Variants in TCF20 observed in about 807,000 individuals in gnomAD.
TCF20 encodes the protein transcription factor 20.
TCF20 carries 3 observed loss-of-function variants against 148.6 expected under a neutral mutation model. The ratio of observed to expected loss-of-function variants is 0.02; its 90% CI spans 0.01 to 0.05. The LOEUF (loss-of-function observed/expected upper bound fraction) is 0.05, where lower values mean the gene tolerates loss of function less well. TCF20 is among the 10% of genes least tolerant of loss of function. The pLI is 1.00. For synonymous variants in TCF20, 1,049 were observed against 909.5 expected (o/e 1.15, Z -2.76); for missense variants, 2,350 against 2,429.3 (o/e 0.97, Z 0.69).
At chr22:42,272,539 G>A (rs2147007196), upstream of TCF20, among the ~76,000 whole-genome samples, 1 of 152,316 alleles carries the variant, frequency 6.6e-6, no homozygotes, top group South Asian at 2.1e-4. Flanking sequence ...ATTCAAAAGG[G>A]AAAGAATAAA....
chr22:42,165,035 T>C (rs1291143918), intron 5 of TCF20, among the ~76,000 whole-genome samples: 1 of 152,160 alleles, frequency 6.6e-6, no homozygotes, highest in Admixed American at 6.5e-5. Flanking sequence ...GAGGGAGGCC[T>C]AATGAAGATT....
chr22:42,301,182 G>A (rs1172582100), intron 1 of TCF20, among the ~76,000 whole-genome samples: 1 of 152,208 alleles, frequency 6.6e-6, no homozygotes, highest in Non-Finnish European at 1.5e-5. Context: ...TTTATCTTGC[G>A]GGCACTAGGG....
chr22:42,334,216 T>C (rs1928026374), intron 1 of TCF20, among the ~76,000 whole-genome samples: 1 of 152,194 alleles, frequency 6.6e-6, no homozygotes, highest in African/African-American at 2.4e-5. Flanking sequence ...TCAGCTGTCC[T>C]CACGGCCCTT....
At chr22:42,192,239 A>C (rs989378628) in intron 2 of TCF20, among the ~76,000 whole-genome samples, 2 of 152,220 alleles carry the variant, frequency 1.3e-5, no homozygotes, top group African/African-American at 4.8e-5. Context: ...GTTTCAGTGC[A>C]GAAACGACAA....
chr22:42,319,453 C>T (rs1036528253), intron 1 of TCF20, among the ~76,000 whole-genome samples: 2 of 152,210 alleles, frequency 1.3e-5, no homozygotes, highest in Admixed American at 1.3e-4. Context: ...TCATCCCAGG[C>T]TTCTCTCCCC....
In TCF20 at chr22:42,212,057, C is replaced by G; in HGVS notation, c.3249G>C (p.Leu1083=). The G allele has an allele frequency of 6.2e-7, 1 of 1,614,130 alleles. No individual in the cohort carries two copies. The highest frequency in any genetic ancestry group is 8.5e-7 in the Non-Finnish European group (1 of 1,180,032). Residue 1083 remains leucine (L), a synonymous_variant, in exon 2 of 6, where the codon CTG becomes CTC. Coordinates refer to ENST00000677622, the MANE Select transcript of TCF20 (RefSeq NM_001378418.1). The part of the protein sequence containing the change: ...GDPNAGLNSQ[L]HYKRQMYQQQ... ...GTTGGTACATCTGTCTCTTATAATG[C>G]AGCTGAGAATTCAAACCTGCGTTAG...
intron 2 of TCF20, among the ~76,000 whole-genome samples, chr22:42,192,941 G>A (rs899430312): frequency 6.6e-6 from 1 of 152,150 alleles, no homozygotes; most frequent in Non-Finnish European, 1.5e-5. Context: ...GCACCAGCAT[G>A]GTCCTAAGCT....
Position 42,179,589 on chromosome 22 carries a change from G to T in TCF20, c.5749+20C>A, listed in dbSNP as rs561485005. The stretch of plus-strand genomic sequence containing the variant: ...TAATCCTTTGGATGCTCTGGACAAG[G>T]GTCTGTGGTCTCCTCTTACCTGCAT... On this transcript the variant is annotated intron_variant, in intron 3 of 5. Transcript: ENST00000677622. The T allele has an allele frequency of 3.8e-6, 6 of 1,574,360 alleles. No homozygotes were observed. In the East Asian group the frequency reaches 1.3e-4, roughly 35 times the overall value.
upstream of TCF20, among the ~76,000 whole-genome samples, chr22:42,288,715 CAAAA>C (rs60058670): frequency 4.7e-5 from 4 of 85,302 alleles, no homozygotes; most frequent in African/African-American, 5.5e-5. Flanking sequence ...GACCCTGTAT[CAAAA>C]AAAAAAAAAA....
In TCF20 at chr22:42,211,890, T is replaced by C. The variant is rs1180535296; in HGVS notation, c.3416A>G (p.Asp1139Gly). The change falls in exon 2 of 6, where the codon GAC becomes GGC. Residue 1139 changes from aspartate to glycine, a missense_variant. This residue lies in a region of TCF20 where 1,641 missense variants were observed against 1,662.6 expected (regional missense o/e 0.99). Transcript: ENST00000677622. ...TGGGCCATACATCATACCATCTTTG[T>C]CATTTTTCAGAGGGCTCCGTACTCT... ...LDRVRSPLKNDKDGMMYGPPV... is the reference protein window; with the variant it reads ...LDRVRSPLKNGKDGMMYGPPV... 3 of 1,614,178 alleles carry C rather than the reference T, an allele frequency of 1.9e-6. No homozygotes were observed. The highest frequency in any genetic ancestry group is 2.5e-6 in the Non-Finnish European group (3 of 1,180,044).
chr22:42,179,066 G>A (rs1294560388), intron 3 of TCF20, among the ~76,000 whole-genome samples: 2 of 149,412 alleles, frequency 1.3e-5, no homozygotes, highest in African/African-American at 4.9e-5. Context: ...AAACACATAT[G>A]ACAGCAAGTG....
rs764138821 is a variant in TCF20 at position 42,210,319 on chromosome 22, C to A, written c.4987G>T (p.Gly1663Cys). 3 of 1,614,136 alleles carry A rather than the reference C, an allele frequency of 1.9e-6. 1 individual carries two copies. The South Asian group carries it at 3.3e-5, about 18-fold the overall frequency. The change falls in exon 2 of 6, where the codon GGC becomes TGC. Residue 1663 changes from glycine (G) to cysteine (C), a missense_variant. By Grantham distance (159) the Gly-to-Cys change is radical. Coordinates refer to ENST00000677622, the MANE Select transcript of TCF20 (RefSeq NM_001378418.1). The surrounding 1 kb of genome is among the most constrained non-coding windows in gnomAD (Gnocchi z 4.7). ...EEEEQTKLVRGRKGQRSLTPP... is the reference protein window; with the variant it reads ...EEEEQTKLVRCRKGQRSLTPP... ...GTCAGTGACCTCTGACCCTTCCTGC[C>A]CCTCACTAATTTGGTCTGTTCTTCT...
intron 2 of TCF20, among the ~76,000 whole-genome samples, chr22:42,208,434 C>G (rs1164124352): frequency 6.6e-6 from 1 of 152,116 alleles, no homozygotes; most frequent in Non-Finnish European, 1.5e-5. Context: ...TGAGACCACT[C>G]TGGGCAACAC....
chr22:42,200,219 CTTCT>C (rs773558855), intron 2 of TCF20, among the ~76,000 whole-genome samples: 1 of 152,050 alleles, frequency 6.6e-6, no homozygotes, highest in Non-Finnish European at 1.5e-5. Context: ...TTCTTCAACC[CTTCT>C]TTCTGTTATT....
chr22:42,316,039 C>T (rs1271976005), intron 1 of TCF20, among the ~76,000 whole-genome samples: 5 of 135,662 alleles, frequency 3.7e-5, no homozygotes, highest in East Asian at 2.3e-4. Flanking sequence ...ACCCAGGAGG[C>T]GGAGGTTGCA....
At chr22:42,330,051 C>A (rs1037177940) in intron 1 of TCF20, among the ~76,000 whole-genome samples, 2 of 152,186 alleles carry the variant, frequency 1.3e-5, no homozygotes, top group African/African-American at 4.8e-5. Context: ...AGCTTAAGGC[C>A]TCAACAGGGA....
intron 1 of TCF20, among the ~76,000 whole-genome samples, chr22:42,321,117 A>C (rs1039410190): frequency 2.0e-5 from 3 of 152,268 alleles, no homozygotes; most frequent in African/African-American, 7.2e-5. Context: ...ATTCAGGAGC[A>C]AGGGCTGGGA....
intron 1 of TCF20, among the ~76,000 whole-genome samples, chr22:42,314,546 C>G (rs952395107): frequency 6.6e-6 from 1 of 152,206 alleles, no homozygotes; most frequent in Non-Finnish European, 1.5e-5. Flanking sequence ...AGCCGGGGAG[C>G]TAGCAATTAC....
chr22:42,268,301 A>G (rs1248339481), intron 1 of TCF20, among the ~76,000 whole-genome samples: 1 of 152,242 alleles, frequency 6.6e-6, no homozygotes, highest in Non-Finnish European at 1.5e-5. Context: ...AGGTTGGTAT[A>G]GAAATACTTA....
Sources: gnomAD v4.1 joint callset for allele counts (sites outside exome capture counted in the v4.1 genomes callset) on GRCh38, gnomAD v4.1.1 for gene constraint, gnomAD v4.1.1 regional missense constraint, Gnocchi (gnomAD v3.1) non-coding constraint, MANE v1.5 for transcripts, NCBI Gene and HGNC (gene_info 2026-07-23, HGNC 2026-07-21) for gene names.